CNTNAP2: variants seen among roughly 807,000 people sequenced by gnomAD.
CNTNAP2 encodes contactin associated protein 2, also known as contactin-associated protein-like 2.
Under a neutral mutation model 155.2 loss-of-function variants are expected in CNTNAP2, and 98 were observed. The ratio of observed to expected loss-of-function variants is 0.63; its 90% confidence interval spans 0.54 to 0.75. The LOEUF is 0.75. CNTNAP2 is among the 30% of genes least tolerant of loss of function. CNTNAP2 has a pLI of 0.00. For synonymous variants in CNTNAP2, 651 were observed against 631.2 expected, an observed-to-expected ratio of 1.03 and a Z score of -0.47; for missense variants, 1,727 against 1,688.1, an observed-to-expected ratio of 1.02 and a Z score of -0.40.
At chr7:146,797,234 G>C (rs1221751486) in intron 2 of CNTNAP2, among the ~76,000 whole-genome samples, 1 of 152,188 alleles carries the variant, frequency 6.6e-6, no homozygotes. Flanking sequence ...TTTCTGTTGG[G>C]ACTACTGAGG....
intron 8 of CNTNAP2, among the ~76,000 whole-genome samples, chr7:147,288,847 A>AC (rs1805239415): frequency 6.6e-6 from 1 of 152,156 alleles, no homozygotes; most frequent in Admixed American, 6.6e-5. Context: ...TTGTCTTGTG[A>AC]CCTCACACAC....
intron 1 of CNTNAP2, among the ~76,000 whole-genome samples, chr7:146,653,767 A>G (rs958781741): frequency 5.9e-5 from 9 of 152,148 alleles, no homozygotes; most frequent in African/African-American, 2.2e-4. Flanking sequence ...TGGGTGGGGC[A>G]TTGTAGATCA....
At chr7:146,838,584 C>T (rs1039826729) in intron 2 of CNTNAP2, among the ~76,000 whole-genome samples, 2 of 151,928 alleles carry the variant, frequency 1.3e-5, no homozygotes, top group Non-Finnish European at 2.9e-5. Context: ...TCCCAAAGTG[C>T]TGGGATTACA....
intron 1 of CNTNAP2, among the ~76,000 whole-genome samples, chr7:146,335,846 A>G (rs1801264968): frequency 6.6e-6 from 1 of 152,146 alleles, no homozygotes; most frequent in African/African-American, 2.4e-5. Context: ...GTCGGGGAAG[A>G]GGGAGACTCT....
At chr7:147,886,534 G>A (rs1490340275) in intron 13 of CNTNAP2, among the ~76,000 whole-genome samples, 2 of 137,196 alleles carry the variant, frequency 1.5e-5, no homozygotes, top group South Asian at 2.5e-4. Context: ...CTCTCTTGAA[G>A]TCGTAAGTCC....
chr7:147,975,362 T>C (rs1801411863), intron 14 of CNTNAP2, among the ~76,000 whole-genome samples: 2 of 152,052 alleles, frequency 1.3e-5, no homozygotes, highest in Admixed American at 1.3e-4. Context: ...TCTAAATCAT[T>C]ATGTGGGTCA....
intron 21 of CNTNAP2, among the ~76,000 whole-genome samples, chr7:148,356,654 T>C (rs1798521377): frequency 6.6e-6 from 1 of 152,182 alleles, no homozygotes; most frequent in South Asian, 2.1e-4. Flanking sequence ...TTTGTCAGCA[T>C]TTCCTTCTAT....
chr7:146,682,920 G>A (rs149179534), intron 1 of CNTNAP2, among the ~76,000 whole-genome samples: 26 of 152,284 alleles, frequency 1.7e-4, no homozygotes, highest in South Asian at 6.2e-4. Context: ...GGGCATTATC[G>A]TCTCAGTTAT....
intron 2 of CNTNAP2, among the ~76,000 whole-genome samples, chr7:146,824,021 T>G (rs761729126): frequency 6.6e-5 from 10 of 152,118 alleles, no homozygotes; most frequent in Non-Finnish European, 1.3e-4. Flanking sequence ...TTTCTCCTAA[T>G]GCTCTCCCTC....
intron 1 of CNTNAP2, among the ~76,000 whole-genome samples, chr7:146,218,652 G>T: frequency 6.6e-6 from 1 of 152,036 alleles, no homozygotes; most frequent in Admixed American, 6.6e-5. Context: ...ACTACTTGCT[G>T]ACAACCAAGT....
At chr7:147,062,068 C>T (rs1164157068) in intron 4 of CNTNAP2, among the ~76,000 whole-genome samples, 1 of 129,576 alleles carries the variant, frequency 7.7e-6, no homozygotes, top group Non-Finnish European at 1.6e-5. Flanking sequence ...GCAGAGCTTG[C>T]AGTGAGCCGA....
At chr7:147,551,087 T>C (rs1443164171) in intron 11 of CNTNAP2, among the ~76,000 whole-genome samples, 1 of 152,174 alleles carries the variant, frequency 6.6e-6, no homozygotes, top group Non-Finnish European at 1.5e-5. Context: ...TGCATTAAGG[T>C]AAACATTATC....
chr7:147,185,845 C>T (rs538633524), intron 8 of CNTNAP2, among the ~76,000 whole-genome samples: 4 of 152,202 alleles, frequency 2.6e-5, no homozygotes, highest in Non-Finnish European at 5.9e-5. Flanking sequence ...GTGCTGTTCT[C>T]GTGACAGTGA....
chr7:147,948,252 C>T (rs1236570639), intron 14 of CNTNAP2, among the ~76,000 whole-genome samples: 3 of 151,972 alleles, frequency 2.0e-5, no homozygotes, highest in Non-Finnish European at 2.9e-5. Flanking sequence ...GATAGCACAA[C>T]AGAGTGACTA....
chr7:147,822,725 G>A lies in CNTNAP2; in HGVS notation c.2099-80840G>A, dbSNP rs572122197. ...CATACTGCCACTAATAGGATGCCAA[G>A]TGGATGTTTCAAAGTTGGATGCTGA... On this transcript the variant is annotated intron_variant, in intron 13 of 23. Transcript: ENST00000361727. Among the ~76,000 whole-genome samples, 8 of 152,258 alleles carry A rather than the reference G, an allele frequency of 5.3e-5. No homozygotes were observed. The East Asian group carries it at 9.7e-4, about 18-fold the overall frequency.
At chr7:146,911,385 A>G (rs981754763) in intron 3 of CNTNAP2, among the ~76,000 whole-genome samples, 10 of 152,094 alleles carry the variant, frequency 6.6e-5, no homozygotes, top group Non-Finnish European at 1.5e-5. Flanking sequence ...TATTCACAAC[A>G]GCAAAGACTT....
At chr7:147,333,514 T>C (rs1795611783) in intron 9 of CNTNAP2, among the ~76,000 whole-genome samples, 1 of 152,212 alleles carries the variant, frequency 6.6e-6, no homozygotes, top group African/African-American at 2.4e-5. Context: ...AACAACTTTC[T>C]ATAATAAAAG....
chr7:147,861,329 A>G (rs1168767961), intron 13 of CNTNAP2, among the ~76,000 whole-genome samples: 1 of 152,236 alleles, frequency 6.6e-6, no homozygotes, highest in African/African-American at 2.4e-5. Flanking sequence ...TTAGTGTAAT[A>G]GAGCTGTAGA....
intron 13 of CNTNAP2, among the ~76,000 whole-genome samples, chr7:147,723,259 A>G (rs1796592156): frequency 6.6e-6 from 1 of 152,076 alleles, no homozygotes; most frequent in Admixed American, 6.6e-5. Context: ...CGTATGTCAG[A>G]ATATTACAGT....
Sources: allele counts gnomAD v4.1 joint callset (sites outside exome capture counted in the v4.1 genomes callset), GRCh38; gene constraint gnomAD v4.1.1; transcripts MANE v1.5; gene names NCBI Gene and HGNC (gene_info 2026-07-23, HGNC 2026-07-21).